The following UPK1A variants were observed in gnomAD, a reference collection of about 807,000 sequenced individuals.
UPK1A encodes uroplakin 1A.
A neutral mutation model predicts 32.3 loss-of-function variants in UPK1A; 31 were observed. That is an observed-to-expected ratio of 0.96 (90% confidence interval 0.72 to 1.30). UPK1A has a LOEUF of 1.30. Among genes scored for constraint, UPK1A ranks in the 50% most tolerant of loss-of-function variants. UPK1A has a pLI of 0.00. For synonymous variants in UPK1A, 135 were observed against 137.1 expected, an observed-to-expected ratio of 0.98 and a Z score of 0.11; for missense variants, 340 against 357.4, an observed-to-expected ratio of 0.95 and a Z score of 0.39.
chr19:35,668,189 A>G (rs1968027472), intron 2 of UPK1A: 1 of 538,006 alleles, frequency 1.9e-6, no homozygotes, highest in Admixed American at 3.1e-5. Flanking sequence ...GTGCCAGTCC[A>G]CTGCTCCAGC....
At chr19:35,677,095 G>A (rs4806190) in intron 6 of UPK1A, among the ~76,000 whole-genome samples, 12,482 of 151,222 alleles carry the variant, frequency 0.083, 593 homozygotes, top group South Asian at 0.2. Flanking sequence ...GTGGTGGTGC[G>A]CGCCTGTAAT....
At chr19:35,668,303 C>T in intron 2 of UPK1A, 151 bp from the exon 3 acceptor site, 1 of 907,868 alleles carries the variant, frequency 1.1e-6, no homozygotes, top group Non-Finnish European at 1.7e-6. Context: ...CTCTGCTCAC[C>T]CTCATCGCTG....
intron 3 of UPK1A, among the ~76,000 whole-genome samples, chr19:35,669,857 C>T (rs890529481): frequency 6.6e-6 from 1 of 152,090 alleles, no homozygotes; most frequent in Non-Finnish European, 1.5e-5. Context: ...TGTGTTTCCT[C>T]GACAGCAGAG....
intron 3 of UPK1A, among the ~76,000 whole-genome samples, chr19:35,671,621 T>C (rs113718533): frequency 0.1 from 14,699 of 146,342 alleles, 855 homozygotes; most frequent in East Asian, 0.23. Context: ...CCACGCCTGG[T>C]TAATTTTTTT....
At position 35,670,184 on chromosome 19, in the gene UPK1A, C is replaced by T. The variant is rs73600889; in HGVS notation, c.285+1530C>T. 8.3e-3 allele frequency among the ~76,000 whole-genome samples: 1,258 copies of T among 152,182 alleles called. 16 individuals are homozygous for T. Among genetic ancestry groups the T allele is most frequent in the African/African-American group, 0.029 (1,207 of 41,504 alleles). On this transcript the variant is annotated intron_variant, in intron 3 of 7. Transcript: ENST00000617999. ...AAGGGCAAAGGCTCTGAGGCCAGAGCGGGCCAGGAGTCCAAAGCAGCTGGA... is the reference window on the plus strand; with the variant it reads ...AAGGGCAAAGGCTCTGAGGCCAGAGTGGGCCAGGAGTCCAAAGCAGCTGGA...
chr19:35,676,150 T>C, intron 6 of UPK1A, 131 bp downstream of exon 6: 2 of 1,018,358 alleles, frequency 2.0e-6, no homozygotes, highest in East Asian at 5.2e-5. Flanking sequence ...CCTCTTCCCC[T>C]CTCTGATTTT....
At chr19:35,676,168 TC>T in intron 6 of UPK1A, 149 bp downstream of exon 6, 2 of 943,030 alleles carry the variant, frequency 2.1e-6, no homozygotes, top group Non-Finnish European at 3.1e-6. Flanking sequence ...TTTCTTGTTT[TC>T]TTTTTCTTTC....
chr19:35,673,180 G>C, intron 3 of UPK1A, 52 bp from the exon 4 acceptor site: 2 of 1,580,906 alleles, frequency 1.3e-6, no homozygotes, highest in Non-Finnish European at 1.7e-6. Flanking sequence ...CCCTGACGGG[G>C]TGTGGCTTCA....
chr19:35,678,146 A>C, exon 8 of UPK1A: 1 of 1,212,302 alleles, frequency 8.2e-7, no homozygotes, highest in South Asian at 1.6e-5. Context: ...ACGTCCTTCC[A>C]CTTCCAAGAT....
intron 6 of UPK1A, among the ~76,000 whole-genome samples, chr19:35,677,504 T>G (rs989313614): frequency 2.7e-5 from 4 of 146,212 alleles, no homozygotes; most frequent in African/African-American, 5.1e-5. Flanking sequence ...GTAGCCTGGG[T>G]GACAGAGGGA....
At chr19:35,667,296 G>T (rs185886234) in intron 2 of UPK1A, among the ~76,000 whole-genome samples, 16 of 148,578 alleles carry the variant, frequency 1.1e-4, no homozygotes, top group African/African-American at 4.0e-4. Context: ...ATTGGGTTTT[G>T]GTTTTGTGTT....
At chr19:35,676,188 T>C in intron 6 of UPK1A, 169 bp downstream of exon 6, 1 of 832,322 alleles carries the variant, frequency 1.2e-6, no homozygotes. Flanking sequence ...TCTTTCTTTC[T>C]TTCTTTCTTT....
At chr19:35,677,014 A>G (rs1283347790) in intron 6 of UPK1A, among the ~76,000 whole-genome samples, 1 of 151,750 alleles carries the variant, frequency 6.6e-6, no homozygotes, top group Non-Finnish European at 1.5e-5. Flanking sequence ...TTGAGGTCAG[A>G]AGCTCAAGAC....
intron 6 of UPK1A, among the ~76,000 whole-genome samples, chr19:35,677,219 G>C (rs536272247): frequency 1.3e-5 from 2 of 149,834 alleles, no homozygotes; most frequent in African/African-American, 2.5e-5. Flanking sequence ...CTTAAAAAAG[G>C]CAAGAGACTT....
chr19:35,673,677 A>T (rs574895940), intron 5 of UPK1A, 132 bp downstream of exon 5: 2 of 762,496 alleles, frequency 2.6e-6, no homozygotes, highest in South Asian at 3.7e-5. Context: ...CTAGGAGAGC[A>T]GGGCTGCGGT....
Position 35,674,438 on chromosome 19 carries a change from G to T in UPK1A, c.468+893G>T, listed in dbSNP as rs541959671. ...ATTTTTTGTATTTTTAGTAGAGATG[G>T]GTGTTAGCCAGGATGGTCTTGATCT... On this transcript the variant is annotated intron_variant, in intron 5 of 7. Transcript: ENST00000617999. Among the ~76,000 whole-genome samples, 5 of 151,622 alleles carry T rather than the reference G, an allele frequency of 3.3e-5. No homozygotes were observed. In the East Asian group the frequency reaches 7.8e-4, roughly 24 times the overall value.
chr19:35,673,901 C>T (rs1275837992), intron 5 of UPK1A, among the ~76,000 whole-genome samples: 3 of 152,094 alleles, frequency 2.0e-5, no homozygotes, highest in African/African-American at 7.2e-5. Flanking sequence ...TCACACTGTT[C>T]AAAGGACTTT....
intron 3 of UPK1A, among the ~76,000 whole-genome samples, chr19:35,672,584 A>G (rs1044570128): frequency 6.6e-6 from 1 of 151,808 alleles, no homozygotes; most frequent in Non-Finnish European, 1.5e-5. Context: ...GTTTTGTTTT[A>G]AGAGACAGGG....
chr19:35,676,020 G>T lies in UPK1A; in HGVS notation c.648+1G>T. On this transcript the variant is annotated splice_donor_variant, in intron 6 of 7. Transcript: ENST00000617999. LOFTEE classifies it high-confidence loss of function. ...GCACATGGACTACCTGTTCACCAAG[G>T]TGTGGCCGTCTGCCCTGCTCCATCT... 1 of 1,612,102 alleles carries T rather than the reference G, an allele frequency of 6.2e-7. No homozygotes were observed. Among genetic ancestry groups the T allele is most frequent in the Non-Finnish European group, 8.5e-7 (1 of 1,179,136 alleles).
Sources: allele counts gnomAD v4.1 joint callset (sites outside exome capture counted in the v4.1 genomes callset), GRCh38; gene constraint gnomAD v4.1.1; transcripts MANE v1.5; gene names NCBI Gene and HGNC (gene_info 2026-07-23, HGNC 2026-07-21).